Variants in NEDD4 observed in about 807,000 individuals in gnomAD.
NEDD4 encodes E3 ubiquitin-protein ligase NEDD4.
A neutral mutation model predicts 144.9 loss-of-function variants in NEDD4; 99 were observed. The observed-to-expected ratio is 0.68, with a 90% CI of 0.58 to 0.81. NEDD4 has a LOEUF of 0.81. Ranked by LOEUF, NEDD4 falls within the 30% of genes least tolerant of loss-of-function variation. The pLI, the probability that NEDD4 is intolerant of heterozygous loss-of-function variation, is 0.00. For missense variants in NEDD4, 985 were observed against 1,065.9 expected (o/e 0.92, Z 1.06); for synonymous variants, 318 against 350.6 (o/e 0.91, Z 1.04).
intron 5 of NEDD4, among the ~76,000 whole-genome samples, chr15:55,907,996 T>TA (rs1330246688): frequency 6.6e-6 from 1 of 152,120 alleles, no homozygotes; most frequent in Admixed American, 6.6e-5. Flanking sequence ...AGGGACAAGG[T>TA]ATTCATTTAA....
At chr15:55,974,635 T>C (rs7180734) in intron 1 of NEDD4, among the ~76,000 whole-genome samples, 22,587 of 151,898 alleles carry the variant, frequency 0.15, 1,825 homozygotes, top group East Asian at 0.32. Context: ...GAAAGTCAAA[T>C]GTCATATCAA....
intron 14 of NEDD4, among the ~76,000 whole-genome samples, 192 bp downstream of exon 14, chr15:55,850,350 A>AAT (rs1369407630): frequency 1.3e-5 from 2 of 152,180 alleles, no homozygotes; most frequent in Admixed American, 6.5e-5. Flanking sequence ...CTCCATCATA[A>AAT]TCCAAAACAA....
At chr15:55,921,523 C>G (rs1215475723) in intron 5 of NEDD4, among the ~76,000 whole-genome samples, 1 of 152,040 alleles carries the variant, frequency 6.6e-6, no homozygotes, top group Non-Finnish European at 1.5e-5. Context: ...CGCAGTTTCA[C>G]CATGCTGGCC....
chr15:55,958,814 A>G (rs1218188439), intron 2 of NEDD4, among the ~76,000 whole-genome samples: 1 of 151,842 alleles, frequency 6.6e-6, no homozygotes, highest in African/African-American at 2.4e-5. Context: ...ACAAAATTGT[A>G]CAAAATGTTT....
intron 5 of NEDD4, among the ~76,000 whole-genome samples, chr15:55,922,701 A>T (rs1328793967): frequency 1.3e-5 from 2 of 152,144 alleles, no homozygotes; most frequent in Non-Finnish European, 2.9e-5. Flanking sequence ...CATGTGATAA[A>T]AGTATTTTAA....
chr15:55,862,682 G>T (rs577346105), intron 9 of NEDD4, among the ~76,000 whole-genome samples: 3 of 151,894 alleles, frequency 2.0e-5, no homozygotes, highest in Non-Finnish European at 4.4e-5. Flanking sequence ...AAATTAAGAC[G>T]CAATTAAAAG....
At chr15:55,955,406 G>C (rs1018945785) in intron 2 of NEDD4, among the ~76,000 whole-genome samples, 8 of 152,018 alleles carry the variant, frequency 5.3e-5, no homozygotes, top group African/African-American at 1.9e-4. Flanking sequence ...CAGATCTCTA[G>C]AGCTTATTCT....
intron 5 of NEDD4, among the ~76,000 whole-genome samples, chr15:55,891,730 A>G (rs1156459889): frequency 6.6e-6 from 1 of 152,198 alleles, no homozygotes; most frequent in Non-Finnish European, 1.5e-5. Flanking sequence ...TCAGTTTCTT[A>G]AAACAATTTT....
rs772624777 is a variant in NEDD4, at chr15:55,966,457, A to G, written c.119+16T>C. ...ATGCAAAGTTTTAAAATTATAATCC[A>G]AATAGATATACTTACCTAGCTCCCA... is the stretch of plus-strand genomic sequence containing the variant. On this transcript the variant is annotated intron_variant, in intron 2 of 28. Transcript: ENST00000435532. 6.9e-7 allele frequency: 1 copy of G among 1,455,978 alleles called. No homozygotes were observed. The highest frequency in any genetic ancestry group is 2.5e-5 in the East Asian group (1 of 39,544). 90.2% of individuals were successfully genotyped at this position (1,455,978 alleles called of 1,614,324 possible). A position where few individuals can be genotyped will look rare whatever the true frequency, so the allele number is the denominator to read the frequency against.
intron 4 of NEDD4, among the ~76,000 whole-genome samples, chr15:55,935,633 G>A (rs537576447): frequency 2.0e-5 from 3 of 152,080 alleles, no homozygotes; most frequent in East Asian, 1.9e-4. Flanking sequence ...GGATCATGAG[G>A]TCAGGAGATC....
At chr15:55,986,682 C>T (rs1412265958) in intron 1 of NEDD4, among the ~76,000 whole-genome samples, 3 of 148,048 alleles carry the variant, frequency 2.0e-5, no homozygotes, top group East Asian at 2.0e-4. Context: ...CTCTGCCTCC[C>T]AGGTTCACGC....
intron 4 of NEDD4, among the ~76,000 whole-genome samples, chr15:55,950,497 G>A (rs1216468782): frequency 3.9e-5 from 6 of 152,304 alleles, no homozygotes; most frequent in Middle Eastern, 3.4e-3. Context: ...GAAGCCTCCA[G>A]AGAGGCTGGT....
chr15:55,859,195 C>T (rs776505282), intron 11 of NEDD4, among the ~76,000 whole-genome samples: 4 of 152,198 alleles, frequency 2.6e-5, no homozygotes, highest in Admixed American at 6.5e-5. Context: ...TTGTCTTCTA[C>T]TCAATCTCCC....
chr15:55,954,130 A>C (rs2037295463), intron 2 of NEDD4, among the ~76,000 whole-genome samples: 1 of 151,934 alleles, frequency 6.6e-6, no homozygotes, highest in African/African-American at 2.4e-5. Flanking sequence ...CAGTCTTGTT[A>C]AAGTAATCAA....
chr15:55,961,660 C>G (rs1283573320), intron 2 of NEDD4, among the ~76,000 whole-genome samples: 9 of 151,934 alleles, frequency 5.9e-5, no homozygotes, highest in Non-Finnish European at 1.3e-4. Context: ...TTAGTAGAGA[C>G]AGGTTTCAAA....
intron 1 of NEDD4, among the ~76,000 whole-genome samples, chr15:55,977,834 T>G (rs1430773007): frequency 2.0e-5 from 3 of 152,110 alleles, no homozygotes; most frequent in African/African-American, 7.2e-5. Flanking sequence ...ATGGTCAAAT[T>G]CTCACTATAC....
intron 5 of NEDD4, among the ~76,000 whole-genome samples, chr15:55,921,471 C>A (rs192119661): frequency 5.9e-5 from 9 of 152,000 alleles, no homozygotes; most frequent in African/African-American, 2.2e-4. Flanking sequence ...ACTACAGGTG[C>A]GCACCATCAG....
chr15:55,949,074 C>G (rs1435124248), intron 4 of NEDD4, among the ~76,000 whole-genome samples: 1 of 152,112 alleles, frequency 6.6e-6, no homozygotes, highest in African/African-American at 2.4e-5. Flanking sequence ...GGGCTAATAT[C>G]CAGAATCTAC....
Position 55,848,897 on chromosome 15 carries a change from A to G in NEDD4, c.1348-11T>C. 6.2e-7 allele frequency: 1 copy of G among 1,608,176 alleles called. No homozygotes were observed. Among genetic ancestry groups the G allele is most frequent in the Non-Finnish European group, 8.5e-7 (1 of 1,174,832 alleles). ...CAATCTTGGATCTTCCTTTTTTGGT[A>G]GAGTAAATAAAGAACAATACACACA... is the stretch of plus-strand genomic sequence containing the variant. On this transcript the variant is annotated splice_polypyrimidine_tract_variant and intron_variant, in intron 14 of 28. Transcript: ENST00000435532.
Sources: gnomAD v4.1 joint callset for allele counts (sites outside exome capture counted in the v4.1 genomes callset) on GRCh38, gnomAD v4.1.1 for gene constraint, MANE v1.5 for transcripts, NCBI Gene and HGNC (gene_info 2026-07-23, HGNC 2026-07-21) for gene names.